The following GK5 variants were observed in gnomAD, a reference collection of about 807,000 sequenced individuals.
The protein encoded by GK5 is glycerol kinase 5, also known as ATP:glycerol 3-phosphotransferase 5.
A neutral mutation model predicts 77.3 loss-of-function variants in GK5; 39 were observed. That is an observed-to-expected ratio of 0.50 (90% CI 0.39 to 0.66). GK5 has a LOEUF of 0.66. Ranked by LOEUF, GK5 falls within the 30% of genes least tolerant of loss-of-function variation. The pLI, the probability that GK5 is intolerant of heterozygous loss-of-function variation, is 0.00. For missense variants in GK5, 487 were observed against 633.8 expected (o/e 0.77, Z 2.49); for synonymous variants, 211 against 208.0 (o/e 1.01, Z -0.13).
chr3:142,167,235 G>A (rs961485386), intron 15 of GK5, among the ~76,000 whole-genome samples: 11 of 151,984 alleles, frequency 7.2e-5, no homozygotes, highest in Admixed American at 2.6e-4. Context: ...TTAGCTGGGC[G>A]TGGTGGCACG....
chr3:142,225,188 G>A (rs1560243930), intron 1 of GK5, 121 bp downstream of exon 1: 1 of 1,097,716 alleles, frequency 9.1e-7, no homozygotes, highest in Non-Finnish European at 1.2e-6. Flanking sequence ...GGGCCCGCGG[G>A]TGCTGCAGGT....
At position 142,164,049 on chromosome 3, in the gene GK5, TA is replaced by T. The variant is rs2063447957; in HGVS notation, c.*1572del. 1 of 152,130 alleles carries T rather than the reference TA, an allele frequency of 6.6e-6. No individual in the cohort carries two copies. The allele number at this position is 152,130 out of a possible 1,614,324, so 9.4% of individuals were successfully genotyped here. A position where few individuals can be genotyped will look rare whatever the true frequency, so the allele number is the denominator to read the frequency against. ...AGTAAATAAAATACCTATTTATTAATATTTCCAAATATTAATTAGATTTAAT... is the reference window on the plus strand; with the variant it reads ...AGTAAATAAAATACCTATTTATTAATTTTCCAAATATTAATTAGATTTAAT... On this transcript the variant is annotated 3_prime_UTR_variant, in exon 16 of 16. Coordinates refer to ENST00000392993, the MANE Select transcript of GK5 (RefSeq NM_001039547.3).
chr3:142,225,096 C>CA (rs2064408775), intron 1 of GK5, among the ~76,000 whole-genome samples: 1 of 152,164 alleles, frequency 6.6e-6, no homozygotes, highest in African/African-American at 2.4e-5. Context: ...TCAGCCTGGA[C>CA]AGGAAGGGCG....
At chr3:142,169,340 T>A (rs1386883620) in intron 15 of GK5, among the ~76,000 whole-genome samples, 1 of 152,230 alleles carries the variant, frequency 6.6e-6, no homozygotes, top group Non-Finnish European at 1.5e-5. Flanking sequence ...TGAGCAAGAA[T>A]ACTGCTAAAT....
At chr3:142,186,998 AG>A (rs2063782530) in intron 6 of GK5, among the ~76,000 whole-genome samples, 1 of 152,152 alleles carries the variant, frequency 6.6e-6, no homozygotes, top group Admixed American at 6.5e-5. Context: ...GAACTTTTAT[AG>A]TTGTGCAAAA....
intron 3 of GK5, among the ~76,000 whole-genome samples, chr3:142,206,101 G>C (rs139891373): frequency 6.6e-6 from 1 of 152,116 alleles, no homozygotes; most frequent in African/African-American, 2.4e-5. Flanking sequence ...AATGTATTCC[G>C]TTTTATGGCT....
intron 8 of GK5, 60 bp downstream of exon 8, chr3:142,186,134 C>A: frequency 7.9e-7 from 1 of 1,270,256 alleles, no homozygotes; most frequent in Non-Finnish European, 1.1e-6. Context: ...CTTTTCCCCA[C>A]GAAACAAAAT....
rs781450421 is a variant in GK5, at chr3:142,162,223, T to C, written c.*3399A>G. 1.3e-5 allele frequency: 2 copies of C among 152,208 alleles called. No homozygotes were observed. The highest frequency in any genetic ancestry group is 2.9e-5 in the Non-Finnish European group (2 of 68,038). The allele number at this position is 152,208 out of a possible 1,614,324, so 9.4% of individuals were successfully genotyped here. The stretch of plus-strand genomic sequence containing the variant: ...AAATGAGGCAGAAAGAAAAGGAGTA[T>C]GACACTATATTCACTGAGTCTTCGA... On this transcript the variant is annotated 3_prime_UTR_variant, in exon 16 of 16. Coordinates refer to ENST00000392993, the MANE Select transcript of GK5 (RefSeq NM_001039547.3).
At chr3:142,177,020 C>T (rs150025069) in intron 12 of GK5, among the ~76,000 whole-genome samples, 4 of 152,276 alleles carry the variant, frequency 2.6e-5, no homozygotes, top group Non-Finnish European at 4.4e-5. Flanking sequence ...AAAATATACA[C>T]ATACATATAC....
chr3:142,219,357 A>C (rs187382128), intron 1 of GK5, among the ~76,000 whole-genome samples: 4 of 152,380 alleles, frequency 2.6e-5, no homozygotes, highest in African/African-American at 9.6e-5. Context: ...AGGTGAATGA[A>C]TGTAGTACAT....
chr3:142,170,579 A>G, intron 14 of GK5, 121 bp from the exon 15 acceptor site: 1 of 797,796 alleles, frequency 1.3e-6, no homozygotes, highest in East Asian at 2.7e-5. Flanking sequence ...TTTTAATTCT[A>G]AAATTAAATC....
intron 3 of GK5, among the ~76,000 whole-genome samples, chr3:142,208,322 T>G (rs1560233174): frequency 6.6e-6 from 1 of 152,232 alleles, no homozygotes; most frequent in Non-Finnish European, 1.5e-5. Context: ...TTTTTTATTT[T>G]GTTAACTGCT....
intron 3 of GK5, among the ~76,000 whole-genome samples, chr3:142,208,809 TA>T (rs1371189552): frequency 6.6e-6 from 1 of 152,148 alleles, no homozygotes; most frequent in Admixed American, 6.5e-5. Context: ...TGTAAACAAA[TA>T]ATCAATTACT....
intron 12 of GK5, among the ~76,000 whole-genome samples, chr3:142,176,821 A>G (rs2063619796): frequency 6.6e-6 from 1 of 151,760 alleles, no homozygotes; most frequent in Non-Finnish European, 1.5e-5. Context: ...GCCACTATGC[A>G]TGGCTAATTT....
chr3:142,208,288 G>T (rs1300438154), intron 3 of GK5, among the ~76,000 whole-genome samples: 2 of 152,098 alleles, frequency 1.3e-5, no homozygotes, highest in Non-Finnish European at 2.9e-5. Context: ...AATGTCCTTT[G>T]ATATATAAAG....
rs1161515382 is a variant in GK5, at chr3:142,165,645, T to C, written c.1567A>G (p.Met523Val). The C allele has an allele frequency of 6.2e-7, 1 of 1,611,444 alleles. No homozygotes were observed. The highest frequency in any genetic ancestry group is 8.5e-7 in the Non-Finnish European group (1 of 1,179,268). ...TGTTATGTCTTGTTATACCAATTCA[T>C]GGAGCGTTTCACTGCTTTGGCCCAG... ...ENWAKAVKRSMNWYNKT is the reference protein window; with the variant it reads ...ENWAKAVKRSVNWYNKT Residue 523 changes from methionine (M) to valine (V), a missense_variant, in exon 16 of 16, where the codon ATG (methionine) becomes GTG (valine). Physicochemically the swap from Met to Val is conservative, Grantham distance 21. Coordinates refer to ENST00000392993, the MANE Select transcript of GK5 (RefSeq NM_001039547.3).
chr3:142,180,229 A>G (rs550683114), intron 11 of GK5, among the ~76,000 whole-genome samples: 10 of 152,178 alleles, frequency 6.6e-5, no homozygotes, highest in African/African-American at 2.4e-4. Flanking sequence ...CAGTGACAGC[A>G]GACAGAGCAG....
At chr3:142,193,901 T>C (rs1225390775) in intron 5 of GK5, among the ~76,000 whole-genome samples, 3 of 152,006 alleles carry the variant, frequency 2.0e-5, no homozygotes, top group Non-Finnish European at 2.9e-5. Context: ...CCACTATGTC[T>C]GGCTAATTTT....
intron 3 of GK5, among the ~76,000 whole-genome samples, chr3:142,206,127 G>A (rs1463539231): frequency 6.6e-6 from 1 of 152,106 alleles, no homozygotes; most frequent in Non-Finnish European, 1.5e-5. Context: ...ATATTTCAAC[G>A]TATTTATATA....
Sources: allele counts gnomAD v4.1 joint callset (sites outside exome capture counted in the v4.1 genomes callset), GRCh38; gene constraint gnomAD v4.1.1; transcripts MANE v1.5; gene names NCBI Gene and HGNC (gene_info 2026-07-23, HGNC 2026-07-21).